Variants in PTPRO observed in about 807,000 individuals in gnomAD.
PTPRO encodes receptor-type tyrosine-protein phosphatase O.
In PTPRO, 62 loss-of-function variants were observed where a neutral mutation model predicts 145.2. The observed-to-expected ratio is 0.43, with a 90% CI of 0.35 to 0.53. PTPRO has a LOEUF of 0.53. Among genes scored for constraint, PTPRO ranks in the 20% least tolerant of loss-of-function variants. The pLI is 0.01. For missense variants in PTPRO, 1,345 were observed against 1,482.7 expected (o/e 0.91, Z 1.53); for synonymous variants, 565 against 514.7 (o/e 1.10, Z -1.32).
intron 1 of PTPRO, among the ~76,000 whole-genome samples, chr12:15,449,761 G>A (rs1940998948): frequency 6.6e-6 from 1 of 152,070 alleles, no homozygotes; most frequent in Non-Finnish European, 1.5e-5. Context: ...AATGCACCAT[G>A]GTAATCTAAG....
intron 19 of PTPRO, among the ~76,000 whole-genome samples, chr12:15,575,581 G>A (rs1331678866): frequency 6.6e-6 from 1 of 152,186 alleles, no homozygotes; most frequent in East Asian, 1.9e-4. Context: ...ATATGCTTGT[G>A]CTTTGCTTTC....
Position 15,503,846 on chromosome 12 carries a change from C to T in PTPRO, c.1106-62C>T, listed in dbSNP as rs1421593916. On this transcript the variant is annotated intron_variant, in intron 5 of 26. Transcript: ENST00000281171. The stretch of plus-strand genomic sequence containing the variant: ...AATTTTTTTTCATTAATCGACTTGT[C>T]TATACCCAGGGCCTTTCCAGGTGTC... 4.3e-6 allele frequency: 6 copies of T among 1,402,646 alleles called. No homozygotes were observed. In the African/African-American group the frequency reaches 4.3e-5, roughly 10 times the overall value. The allele number at this position is 1,402,646 out of a possible 1,614,324, so 86.9% of individuals were successfully genotyped here.
intron 12 of PTPRO, among the ~76,000 whole-genome samples, chr12:15,540,026 A>G (rs1013647001): frequency 6.6e-6 from 1 of 152,104 alleles, no homozygotes; most frequent in African/African-American, 2.4e-5. Context: ...AATAAACTTC[A>G]GGTCTAACAA....
At chr12:15,566,710 G>A (rs751860586) in intron 18 of PTPRO, among the ~76,000 whole-genome samples, 2 of 151,854 alleles carry the variant, frequency 1.3e-5, no homozygotes, top group African/African-American at 4.8e-5. Context: ...TAGTAGAGAC[G>A]AAATTTCACT....
At chr12:15,433,764 C>A (rs1247301519) in intron 1 of PTPRO, among the ~76,000 whole-genome samples, 2 of 152,098 alleles carry the variant, frequency 1.3e-5, no homozygotes, top group Admixed American at 1.3e-4. Flanking sequence ...TTGTAGCCTG[C>A]AGTATAGTTT....
At chr12:15,564,695 G>A (rs548223164) in intron 17 of PTPRO, among the ~76,000 whole-genome samples, 5 of 152,274 alleles carry the variant, frequency 3.3e-5, no homozygotes, top group Non-Finnish European at 7.4e-5. Context: ...ATTTACTATA[G>A]ACTGTTTATT....
chr12:15,360,449 A>G (rs1938138542), intron 1 of PTPRO, among the ~76,000 whole-genome samples: 1 of 152,188 alleles, frequency 6.6e-6, no homozygotes, highest in African/African-American at 2.4e-5. Context: ...ATCCATGACA[A>G]TAAAACATAG....
At chr12:15,576,494 A>G (rs1454499175) in intron 19 of PTPRO, among the ~76,000 whole-genome samples, 1 of 152,158 alleles carries the variant, frequency 6.6e-6, no homozygotes, top group Admixed American at 6.5e-5. Flanking sequence ...CTCAGCCTCA[A>G]TCTGTTTCCA....
intron 6 of PTPRO, among the ~76,000 whole-genome samples, chr12:15,507,410 AAAAT>A (rs201609031): frequency 0.035 from 4,260 of 122,972 alleles, 191 homozygotes; most frequent in African/African-American, 0.11. Flanking sequence ...ACTCCATCTC[AAAAT>A]AAATAAATAA....
intron 1 of PTPRO, among the ~76,000 whole-genome samples, chr12:15,475,212 A>T (rs1451494084): frequency 6.6e-6 from 1 of 152,222 alleles, no homozygotes; most frequent in African/African-American, 2.4e-5. Context: ...GGCTGCTAAA[A>T]CATAGAGAAA....
At chr12:15,471,501 A>G (rs1448276126) in intron 1 of PTPRO, among the ~76,000 whole-genome samples, 3 of 152,198 alleles carry the variant, frequency 2.0e-5, no homozygotes, top group Non-Finnish European at 4.4e-5. Flanking sequence ...GCCCATTGTA[A>G]ATATTCTAAT....
chr12:15,560,962 G>A (rs11056558), intron 17 of PTPRO, among the ~76,000 whole-genome samples: 8,495 of 151,962 alleles, frequency 0.056, 767 homozygotes, highest in African/African-American at 0.19. Flanking sequence ...CTTAACTTCT[G>A]GATCATTTTA....
chr12:15,348,681 G>A (rs1463437803), intron 1 of PTPRO: 10 of 152,260 alleles, frequency 6.6e-5, no homozygotes, highest in African/African-American at 2.4e-4. Context: ...CAGATACTCG[G>A]GAGGCTGACG....
chr12:15,491,234 A>G (rs1941993472), intron 2 of PTPRO, among the ~76,000 whole-genome samples: 5 of 152,220 alleles, frequency 3.3e-5, no homozygotes, highest in Admixed American at 3.3e-4. Context: ...ACTGTGCCAG[A>G]AGAGACACAT....
chr12:15,352,215 A>G (rs1240606427), intron 1 of PTPRO, among the ~76,000 whole-genome samples: 1 of 152,204 alleles, frequency 6.6e-6, no homozygotes, highest in South Asian at 2.1e-4. Context: ...ACCAGCCATC[A>G]TTACATCGGT....
intron 1 of PTPRO, among the ~76,000 whole-genome samples, chr12:15,380,078 A>G (rs142833425): frequency 1.5e-3 from 232 of 152,250 alleles, no homozygotes; most frequent in African/African-American, 5.4e-3. Flanking sequence ...TGAGTATCAA[A>G]CTCCAGCATA....
chr12:15,421,017 T>C (rs1940129284), intron 1 of PTPRO, among the ~76,000 whole-genome samples: 1 of 152,240 alleles, frequency 6.6e-6, no homozygotes, highest in Non-Finnish European at 1.5e-5. Context: ...ATGCATATAC[T>C]GAACACCCAG....
In PTPRO at chr12:15,592,612, G is replaced by A. The variant is rs543015673; in HGVS notation, c.3547-2325G>A. Among the ~76,000 whole-genome samples the A allele has an allele frequency of 1.4e-4, 21 of 152,296 alleles. 1 individual carries two copies. The South Asian group carries it at 3.9e-3, about 29-fold the overall frequency. On this transcript the variant is annotated intron_variant, in intron 25 of 26. Coordinates refer to ENST00000281171, the MANE Select transcript of PTPRO (RefSeq NM_030667.3). ...TAGACTTCTTCACGCAAGTAGAGGCGTATTTAGAAAGAATGCCAGACCCTG... is the reference window on the plus strand; with the variant it reads ...TAGACTTCTTCACGCAAGTAGAGGCATATTTAGAAAGAATGCCAGACCCTG...
At chr12:15,551,954 T>G (rs1376280274) in intron 15 of PTPRO, among the ~76,000 whole-genome samples, 1 of 150,796 alleles carries the variant, frequency 6.6e-6, no homozygotes, top group Non-Finnish European at 1.5e-5. Flanking sequence ...TCCATTACAT[T>G]TGGGTACTTT....
Sources: allele counts gnomAD v4.1 joint callset (sites outside exome capture counted in the v4.1 genomes callset), GRCh38; gene constraint gnomAD v4.1.1; transcripts MANE v1.5; gene names NCBI Gene and HGNC (gene_info 2026-07-23, HGNC 2026-07-21).